The following R3HDM1 variants were observed in gnomAD, a reference collection of about 807,000 sequenced individuals.
R3HDM1 encodes R3H domain-containing protein 1.
In R3HDM1, 46 loss-of-function variants were observed where a neutral mutation model predicts 141.1. The observed-to-expected ratio is 0.33, with a 90% CI of 0.26 to 0.42. R3HDM1 has a LOEUF of 0.42. R3HDM1 is among the 10% of genes least tolerant of loss of function. R3HDM1 has a pLI of 1.00. For synonymous variants in R3HDM1, 435 were observed against 472.9 expected (o/e 0.92, Z 1.04); for missense variants, 1,184 against 1,368.3 (o/e 0.87, Z 2.12).
In R3HDM1 at chr2:135,656,345, A is replaced by G. The variant is rs111531261; in HGVS notation, c.2028+4313A>G. On this transcript the variant is annotated intron_variant, in intron 18 of 26. Transcript: ENST00000683871. ...ATTGGAGTGTCATTAGACCCTTTAAATTTAATATATTTTTGACATGGTATG... is the reference window on the plus strand; with the variant it reads ...ATTGGAGTGTCATTAGACCCTTTAAGTTTAATATATTTTTGACATGGTATG... 206 of 152,156 alleles carry G rather than the reference A, an allele frequency of 1.4e-3. 2 individuals carry two copies. Among genetic ancestry groups the G allele is most frequent in the African/African-American group, 4.4e-3 (181 of 41,518 alleles). 9.4% of individuals were successfully genotyped at this position (152,156 alleles called of 1,614,324 possible).
Position 135,668,502 on chromosome 2 carries a change from G to A in R3HDM1, c.2153-6830G>A, listed in dbSNP as rs143879972. 1.4e-3 allele frequency among the ~76,000 whole-genome samples: 211 copies of A among 152,238 alleles called. 1 individual carries two copies. Among genetic ancestry groups the A allele is most frequent in the African/African-American group, 4.9e-3 (202 of 41,556 alleles). ...AGTCGAATTTCCCTTCTGGGGTACC[G>A]ATCATTCTGAGCATCAAATGTTAAA... is the stretch of plus-strand genomic sequence containing the variant. On this transcript the variant is annotated intron_variant, in intron 19 of 26. Coordinates refer to ENST00000683871, the MANE Select transcript of R3HDM1 (RefSeq NM_001378107.1).
chr2:135,693,308 T>G (rs2072726825), intron 21 of R3HDM1, among the ~76,000 whole-genome samples: 1 of 152,144 alleles, frequency 6.6e-6, no homozygotes, highest in Non-Finnish European at 1.5e-5. Context: ...TGGTCTGGGT[T>G]TTGCCTATAG....
chr2:135,686,041 C>G (rs2071277063), intron 21 of R3HDM1, among the ~76,000 whole-genome samples: 2 of 151,980 alleles, frequency 1.3e-5, no homozygotes. Flanking sequence ...AGAAGACATA[C>G]AAATGGCAAA....
intron 16 of R3HDM1, among the ~76,000 whole-genome samples, chr2:135,648,512 G>C (rs1364363462): frequency 6.6e-6 from 1 of 152,108 alleles, no homozygotes; most frequent in African/African-American, 2.4e-5. Flanking sequence ...AGAAGGAGAT[G>C]CATGAATATA....
In R3HDM1 at chr2:135,583,837, G is replaced by A. The variant is rs766225336; in HGVS notation, c.-249-18663G>A. The A allele has an allele frequency of 7.1e-6, 7 of 985,228 alleles. No individual in the cohort carries two copies. In the East Asian group the frequency reaches 3.4e-4, roughly 48 times the overall value. The allele number at this position is 985,228 out of a possible 1,614,324, so 61.0% of individuals were successfully genotyped here. ...AGTTTATCAGCCATGTTAGTAATTCGATTTAGATAATTAAATTTCTGATGT... is the reference window on the plus strand; with the variant it reads ...AGTTTATCAGCCATGTTAGTAATTCAATTTAGATAATTAAATTTCTGATGT... On this transcript the variant is annotated intron_variant, in intron 1 of 26. Transcript: ENST00000683871.
chr2:135,643,417 CAA>C (rs11352652), intron 15 of R3HDM1, among the ~76,000 whole-genome samples: 4 of 140,990 alleles, frequency 2.8e-5, no homozygotes, highest in South Asian at 2.2e-4. Context: ...TAAGTTTCCT[CAA>C]AAAAAAAAAA....
intron 14 of R3HDM1, among the ~76,000 whole-genome samples, chr2:135,640,841 A>G (rs555311783): frequency 3.0e-4 from 45 of 152,326 alleles, no homozygotes; most frequent in Admixed American, 1.6e-3. Context: ...AGAAAATGGA[A>G]TAAATTGCAG....
At chr2:135,650,612 T>G in intron 17 of R3HDM1, 1 of 979,380 alleles carries the variant, frequency 1.0e-6, no homozygotes, top group Non-Finnish European at 1.2e-6. Context: ...TTTGATCATA[T>G]AACATTGAAA....
At chr2:135,544,218 A>G (rs1183328744) in intron 1 of R3HDM1, among the ~76,000 whole-genome samples, 1 of 152,222 alleles carries the variant, frequency 6.6e-6, no homozygotes, top group Non-Finnish European at 1.5e-5. Context: ...GAAAGGTACA[A>G]ATAGTTGGGA....
intron 3 of R3HDM1, among the ~76,000 whole-genome samples, chr2:135,615,220 G>T (rs2060908846): frequency 6.6e-6 from 1 of 151,072 alleles, no homozygotes. Flanking sequence ...ACTCTACAAG[G>T]AAGGCCTTTT....
chr2:135,595,630 A>G (rs1016000213), intron 1 of R3HDM1, among the ~76,000 whole-genome samples: 10 of 152,228 alleles, frequency 6.6e-5, no homozygotes, highest in Non-Finnish European at 1.3e-4. Flanking sequence ...TAATATTACC[A>G]GTTTCACAGC....
intron 3 of R3HDM1, among the ~76,000 whole-genome samples, chr2:135,610,760 T>G (rs150047859): frequency 8.5e-4 from 130 of 152,236 alleles, no homozygotes; most frequent in Non-Finnish European, 1.3e-3. Context: ...AAAAGTCTCT[T>G]TATATAAAAT....
Position 135,661,392 on chromosome 2 carries a change from A to G in R3HDM1, c.2151A>G (p.Thr717=), listed in dbSNP as rs2066687906. The G allele has an allele frequency of 6.2e-7, 1 of 1,613,708 alleles. No homozygotes were observed. ...CACTGCCACAACCTGCGCAGCAGACAGGTGAGTTGTGTTTCTTATGTCATA... is the reference window on the plus strand; with the variant it reads ...CACTGCCACAACCTGCGCAGCAGACGGGTGAGTTGTGTTTCTTATGTCATA... ...NQPLPQPAQQ[T]GYQVIPNQQQ... The change falls in exon 19 of 27, where the codon ACA becomes ACG. Residue 717 remains threonine (T), a splice_region_variant and synonymous_variant. Transcript: ENST00000683871.
At chr2:135,589,105 G>T (rs13391494) in intron 1 of R3HDM1, among the ~76,000 whole-genome samples, 1,522 of 152,134 alleles carry the variant, frequency 0.01, 20 homozygotes, top group African/African-American at 0.034. Flanking sequence ...TCATTATATT[G>T]TTTTCATTTT....
Position 135,531,588 on chromosome 2 carries a change from C to G in R3HDM1, c.-295C>G. The G allele has an allele frequency of 1.0e-6, 1 of 986,810 alleles. No individual in the cohort carries two copies. Among genetic ancestry groups the G allele is most frequent in the South Asian group, 4.7e-5 (1 of 21,418 alleles). The allele number at this position is 986,810 out of a possible 1,614,324, so 61.1% of individuals were successfully genotyped here. A position where few individuals can be genotyped will look rare whatever the true frequency, so the allele number is the denominator to read the frequency against. On this transcript the variant is annotated 5_prime_UTR_variant, in exon 1 of 27. Coordinates refer to ENST00000683871, the MANE Select transcript of R3HDM1 (RefSeq NM_001378107.1). ...TGCACCCACCCAGCCCCGCCGTCGC[C>G]CCGCCGCGCCGCGCTCCAACCGCCT... is the stretch of plus-strand genomic sequence containing the variant.
intron 5 of R3HDM1, 63 bp from the exon 6 acceptor site, chr2:135,621,431 A>C: frequency 1.0e-6 from 1 of 992,146 alleles, no homozygotes; most frequent in Non-Finnish European, 1.4e-6. Context: ...AAAAATATAA[A>C]TGTGTGGTAT....
At chr2:135,652,170 G>A (rs1001667017) in intron 18 of R3HDM1, 138 bp downstream of exon 18, 35 of 1,302,614 alleles carry the variant, frequency 2.7e-5, no homozygotes, top group African/African-American at 2.1e-4. Flanking sequence ...TCATCTTTCC[G>A]CCTCTGGAGA....
chr2:135,600,533 T>C (rs2059544027), intron 1 of R3HDM1, among the ~76,000 whole-genome samples: 1 of 152,178 alleles, frequency 6.6e-6, no homozygotes, highest in Non-Finnish European at 1.5e-5. Context: ...CTAGATATTC[T>C]TTTTTCCACT....
At chr2:135,696,641 G>A (rs147969746) in intron 21 of R3HDM1, among the ~76,000 whole-genome samples, 10 of 152,028 alleles carry the variant, frequency 6.6e-5, no homozygotes, top group African/African-American at 2.4e-4. Context: ...ACAGGTGCAC[G>A]CCACCACACC....
Sources: gnomAD v4.1 joint callset for allele counts (sites outside exome capture counted in the v4.1 genomes callset) on GRCh38, gnomAD v4.1.1 for gene constraint, MANE v1.5 for transcripts, NCBI Gene and HGNC (gene_info 2026-07-23, HGNC 2026-07-21) for gene names.